The following NUP98 variants were observed in gnomAD, a reference collection of about 807,000 sequenced individuals.
NUP98 encodes the protein nucleoporin 98 and 96 precursor, also known as nuclear pore complex protein Nup98-Nup96.
A neutral mutation model predicts 191.9 loss-of-function variants in NUP98; 26 were observed. That is an observed-to-expected ratio of 0.14 (90% CI 0.10 to 0.19). NUP98 has a LOEUF of 0.19. Among genes scored for constraint, NUP98 ranks in the 10% least tolerant of loss-of-function variants. NUP98 has a pLI of 1.00. For missense variants in NUP98, 1,941 were observed against 2,178.8 expected, an observed-to-expected ratio of 0.89 and a Z score of 2.17; for synonymous variants, 808 against 778.4, an observed-to-expected ratio of 1.04 and a Z score of -0.63.
At chr11:3,702,964 A>C in intron 22 of NUP98, 72 bp from the exon 23 acceptor site, 1 of 1,224,118 alleles carries the variant, frequency 8.2e-7, no homozygotes, top group East Asian at 2.4e-5. Context: ...GAACAATAAC[A>C]AAAATCAGTA....
At chr11:3,791,481 T>C (rs1277882214) in intron 1 of NUP98, among the ~76,000 whole-genome samples, 29 of 131,502 alleles carry the variant, frequency 2.2e-4, no homozygotes, top group South Asian at 9.5e-4. Context: ...TTGCAGTGAG[T>C]TGAGATCCCA....
chr11:3,689,182 A>G (rs1212107543), intron 28 of NUP98, among the ~76,000 whole-genome samples: 1 of 152,178 alleles, frequency 6.6e-6, no homozygotes, highest in African/African-American at 2.4e-5. Flanking sequence ...GCAATGAGCC[A>G]TGATCATTCC....
intron 10 of NUP98, among the ~76,000 whole-genome samples, chr11:3,757,121 ATATC>A (rs1257950518): frequency 2.7e-5 from 3 of 111,094 alleles, no homozygotes; most frequent in Non-Finnish European, 5.3e-5. Flanking sequence ...CTATATATCT[ATATC>A]TATATCTATA....
chr11:3,741,068 TG>T (rs2080267203), intron 12 of NUP98, among the ~76,000 whole-genome samples: 1 of 151,374 alleles, frequency 6.6e-6, no homozygotes, highest in Non-Finnish European at 1.5e-5. Flanking sequence ...GCAATCCGCC[TG>T]CCTCAGCCTC....
At chr11:3,789,432 T>A (rs1418703501) in intron 1 of NUP98, among the ~76,000 whole-genome samples, 1 of 150,874 alleles carries the variant, frequency 6.6e-6, no homozygotes, top group Admixed American at 6.6e-5. Context: ...ACCTCTTCCA[T>A]CTATCTCACA....
intron 12 of NUP98, among the ~76,000 whole-genome samples, chr11:3,739,041 C>A (rs1425600623): frequency 6.6e-6 from 1 of 151,812 alleles, no homozygotes; most frequent in Non-Finnish European, 1.5e-5. Context: ...GATGTACATT[C>A]TAAAAGTAAA....
chr11:3,702,326 CTCTCTCTCT>C (rs1376121580), intron 23 of NUP98, 128 bp downstream of exon 23: 5,224 of 209,414 alleles, frequency 0.025, 109 homozygotes, highest in Middle Eastern at 0.033. Context: ...CTCTCTCTCT[CTCTCTCTCT>C]CTCTCTCTCT....
chr11:3,708,173 A>C (rs971606319), intron 20 of NUP98, among the ~76,000 whole-genome samples: 1 of 152,182 alleles, frequency 6.6e-6, no homozygotes, highest in Non-Finnish European at 1.5e-5. Flanking sequence ...TTCTGTGTCT[A>C]GCACATCACT....
intron 18 of NUP98, chr11:3,714,694 A>C (rs999233233): frequency 1.2e-5 from 2 of 163,360 alleles, no homozygotes; most frequent in African/African-American, 4.8e-5. Context: ...CATGTCCTCA[A>C]GGTTCATCCA....
rs1242281964 is a variant in NUP98 at position 3,713,810 on chromosome 11, G to A, written c.2577+8C>T. On this transcript the variant is annotated splice_region_variant and intron_variant, in intron 19 of 32. Transcript: ENST00000324932. ...TATAAAAGTCTGAACTGGGTTAAAT[G>A]ACTATACCTTAAACACCCAAGAACC... is the stretch of plus-strand genomic sequence containing the variant. The A allele has an allele frequency of 6.2e-7, 1 of 1,610,162 alleles. No homozygotes were observed.
At chr11:3,733,234 T>C (rs537313867) in intron 13 of NUP98, among the ~76,000 whole-genome samples, 2 of 151,454 alleles carry the variant, frequency 1.3e-5, no homozygotes, top group Non-Finnish European at 3.0e-5. Context: ...CTTTCTTTCT[T>C]ATGATTTGCC....
intron 6 of NUP98, among the ~76,000 whole-genome samples, chr11:3,773,270 G>A (rs879678880): frequency 3.9e-5 from 6 of 151,966 alleles, no homozygotes; most frequent in Non-Finnish European, 7.4e-5. Context: ...CTGGGCGTGG[G>A]GCACATGCCA....
intron 23 of NUP98, among the ~76,000 whole-genome samples, chr11:3,702,125 C>T (rs1362471984): frequency 6.6e-6 from 1 of 151,884 alleles, no homozygotes; most frequent in East Asian, 1.9e-4. Context: ...GTAATCCCAG[C>T]TTATCAGGAG....
chr11:3,695,439 T>C lies in NUP98; in HGVS notation c.4167+10A>G, dbSNP rs780716402. The stretch of plus-strand genomic sequence containing the variant: ...CCAATGTGAGATATTATGGTAAAAG[T>C]AGAAGATACCGGTTTTCCAGCCAAC... On this transcript the variant is annotated intron_variant, in intron 26 of 32. Transcript: ENST00000324932. 11 of 1,530,898 alleles carry C rather than the reference T, an allele frequency of 7.2e-6. No individual in the cohort carries two copies. In the African/African-American group the frequency reaches 8.4e-5, roughly 12 times the overall value. 94.8% of individuals were successfully genotyped at this position (1,530,898 alleles called of 1,614,324 possible). A position where few individuals can be genotyped will look rare whatever the true frequency, so the allele number is the denominator to read the frequency against.
chr11:3,763,577 A>G (rs911558692), intron 8 of NUP98, among the ~76,000 whole-genome samples: 3 of 152,152 alleles, frequency 2.0e-5, no homozygotes, highest in Non-Finnish European at 4.4e-5. Flanking sequence ...CCTTTTTTTG[A>G]TACGGAGTTT....
At position 3,702,324 on chromosome 11, in the gene NUP98, CTCTCTCTCT is replaced by C. The variant is rs878886073; in HGVS notation, c.3512+130_3512+138del. The C allele has an allele frequency of 2.6e-3, 393 of 152,544 alleles. 4 individuals carry two copies. Among genetic ancestry groups the C allele is most frequent in the Middle Eastern group, 0.018 (12 of 662 alleles). The allele number at this position is 152,544 out of a possible 1,614,324, so 9.4% of individuals were successfully genotyped here. A position where few individuals can be genotyped will look rare whatever the true frequency, so the allele number is the denominator to read the frequency against. ...ACACACACACACACACTCTCTCTCT[CTCTCTCTCT>C]CTCTCTCTCTCTCTCTCTCTCTCTC... On this transcript the variant is annotated intron_variant, in intron 23 of 32. Transcript: ENST00000324932.
chr11:3,683,200 C>T lies in NUP98; in HGVS notation c.4918G>A (p.Asp1640Asn). The T allele has an allele frequency of 6.2e-7, 1 of 1,614,094 alleles. No homozygotes were observed. Among genetic ancestry groups the T allele is most frequent in the South Asian group, 1.1e-5 (1 of 91,078 alleles). The change falls in exon 30 of 33, where the codon GAT becomes AAT. Residue 1640 changes from aspartate (D) to asparagine (N), a missense_variant and splice_region_variant. Around this residue, in one of 6 missense-constraint regions of NUP98, gnomAD observed 1,030 missense variants for 1,115.8 expected, o/e 0.92. Transcript: ENST00000324932. ...HKLIIRHLAS[D>N]AIINENYDYL... ...AGGAGATGTGGAACCCAGCACTCAC[C>T]AGAAGCTAAGTGTCGGATGATGAGC...
At chr11:3,701,852 ATT>A (rs748104295) in intron 23 of NUP98, among the ~76,000 whole-genome samples, 2 of 151,102 alleles carry the variant, frequency 1.3e-5, no homozygotes, top group East Asian at 3.9e-4. Flanking sequence ...CGCCCAGCTA[ATT>A]TTTTTTGTAT....
At chr11:3,758,884 G>T (rs2081068801) in intron 10 of NUP98, among the ~76,000 whole-genome samples, 1 of 152,152 alleles carries the variant, frequency 6.6e-6, no homozygotes, top group African/African-American at 2.4e-5. Context: ...TTCAAACAGA[G>T]TTTATAGGAA....
Sources: gnomAD v4.1 joint callset for allele counts (sites outside exome capture counted in the v4.1 genomes callset) on GRCh38, gnomAD v4.1.1 for gene constraint, gnomAD v4.1.1 regional missense constraint, MANE v1.5 for transcripts, NCBI Gene and HGNC (gene_info 2026-07-23, HGNC 2026-07-21) for gene names.